ARHGAP6: variants seen among roughly 807,000 people sequenced by gnomAD.
ARHGAP6 encodes the protein rho GTPase-activating protein 6.
ARHGAP6 carries 16 observed loss-of-function variants against 55.7 expected under a neutral mutation model. The ratio of observed to expected loss-of-function variants is 0.29; its 90% CI spans 0.19 to 0.44. The LOEUF (loss-of-function observed/expected upper bound fraction) is 0.44, where lower values mean the gene tolerates loss of function less well. Ranked by LOEUF, ARHGAP6 falls within the 20% of genes least tolerant of loss-of-function variation. The pLI, the probability that ARHGAP6 is intolerant of heterozygous loss-of-function variation, is 1.00. For missense variants in ARHGAP6, 698 were observed against 808.9 expected (o/e 0.86, Z 1.66); for synonymous variants, 382 against 360.9 (o/e 1.06, Z -0.66).
intron 1 of ARHGAP6, among the ~76,000 whole-genome samples, chrX:11,360,585 G>A (rs1222390292): frequency 3.7e-5 from 4 of 108,399 alleles, no homozygotes; most frequent in African/African-American, 1.0e-4. Context: ...CATTCCCTTT[G>A]AAAACTGGCA....
chrX:11,367,753 G>A (rs991885934), intron 1 of ARHGAP6: 2 of 746,205 alleles, frequency 2.7e-6, no homozygotes, highest in Non-Finnish European at 3.2e-6. Flanking sequence ...CAGGAAGTTT[G>A]AGAGACCAGG....
At chrX:11,343,060 T>A (rs1375938646) in intron 1 of ARHGAP6, among the ~76,000 whole-genome samples, 1 of 112,577 alleles carries the variant, frequency 8.9e-6, no homozygotes, top group Non-Finnish European at 1.9e-5. Flanking sequence ...AGAGAGGCAA[T>A]ACACTTCAAT....
Position 11,662,904 on chromosome X carries a change from A to G in ARHGAP6, c.588+1337T>C, listed in dbSNP as rs376472035. On this transcript the variant is annotated intron_variant, in intron 1 of 12. Transcript: ENST00000337414. The stretch of plus-strand genomic sequence containing the variant: ...CCTCCTAAAGACCAAGAGAAATTCA[A>G]CATTTCAATTTTTGATGCTCTTTCT... Among the ~76,000 whole-genome samples the G allele has an allele frequency of 1.2e-4, 13 of 112,129 alleles. No individual in the cohort carries two copies. The South Asian group carries it at 4.9e-3, about 42-fold the overall frequency.
At chrX:11,275,569 C>G (rs769277105) in intron 1 of ARHGAP6, among the ~76,000 whole-genome samples, 7 of 111,821 alleles carry the variant, frequency 6.3e-5, no homozygotes, top group Admixed American at 9.5e-5. Flanking sequence ...CACTTCCACA[C>G]TCTTGTAGGC....
chrX:11,197,057 G>A (rs903480007), intron 2 of ARHGAP6, 61 bp from the exon 3 acceptor site: 2 of 582,853 alleles, frequency 3.4e-6, no homozygotes, highest in South Asian at 2.7e-5. Context: ...TTACAGTATC[G>A]ATAATTACAT....
At chrX:11,607,342 G>A (rs182770077) in intron 1 of ARHGAP6, among the ~76,000 whole-genome samples, 10 of 111,807 alleles carry the variant, frequency 8.9e-5, no homozygotes, top group Admixed American at 1.9e-4. Flanking sequence ...ACAAATGATG[G>A]AGCTTCTCTA....
intron 1 of ARHGAP6, among the ~76,000 whole-genome samples, chrX:11,494,809 G>A (rs2050606411): frequency 8.9e-6 from 1 of 111,875 alleles, no homozygotes; most frequent in Non-Finnish European, 1.9e-5. Context: ...TTGCAGAAAA[G>A]CCAGGGTAGA....
chrX:11,200,038 T>A (rs1042771050), intron 2 of ARHGAP6, among the ~76,000 whole-genome samples: 3 of 112,587 alleles, frequency 2.7e-5, no homozygotes, highest in Non-Finnish European at 5.6e-5. Context: ...TCAAGAGGCT[T>A]ATGTGCTTGC....
chrX:11,237,849 C>G (rs2047223222), intron 2 of ARHGAP6, among the ~76,000 whole-genome samples: 1 of 112,137 alleles, frequency 8.9e-6, no homozygotes, highest in South Asian at 3.7e-4. Flanking sequence ...TGCATATAAT[C>G]TGTGCCAGGA....
At position 11,298,125 on chromosome X, in the gene ARHGAP6, A is replaced by G. The variant is rs746714110; in HGVS notation, c.589-43418T>C. 15 of 1,210,190 alleles carry G rather than the reference A, an allele frequency of 1.2e-5. No homozygotes were observed. The highest frequency in any genetic ancestry group is 1.2e-4 in the African/African-American group (7 of 57,316). ...TAGAACTCACATTCTCAGGCTATCA[A>G]TGTTGACAGGACTGCATTAGTGAGT... On this transcript the variant is annotated intron_variant, in intron 1 of 12. Transcript: ENST00000337414.
At chrX:11,276,612 AC>A (rs1261740794) in intron 1 of ARHGAP6, among the ~76,000 whole-genome samples, 2 of 112,069 alleles carry the variant, frequency 1.8e-5, no homozygotes, top group Non-Finnish European at 3.8e-5. Flanking sequence ...ATGAAGTATG[AC>A]ACCAAATGCA....
At chrX:11,350,307 A>T (rs962042775) in intron 1 of ARHGAP6, among the ~76,000 whole-genome samples, 1 of 112,289 alleles carries the variant, frequency 8.9e-6, no homozygotes, top group Admixed American at 9.4e-5. Flanking sequence ...TTATTAAATT[A>T]TCTGTGTTAT....
At chrX:11,289,795 G>C (rs1008377996) in intron 1 of ARHGAP6, among the ~76,000 whole-genome samples, 1 of 111,232 alleles carries the variant, frequency 9.0e-6, no homozygotes, top group African/African-American at 3.3e-5. Flanking sequence ...GACCATCCTG[G>C]ACAACATGGT....
At chrX:11,663,436 T>G (rs1332729579) in intron 1 of ARHGAP6, among the ~76,000 whole-genome samples, 1 of 112,135 alleles carries the variant, frequency 8.9e-6, no homozygotes, top group Admixed American at 9.4e-5. Context: ...ACAATTACTA[T>G]TCTCTGAAAG....
At chrX:11,174,647 C>CTCTTTCT (rs1569241629) in intron 8 of ARHGAP6, among the ~76,000 whole-genome samples, 1 of 73,813 alleles carries the variant, frequency 1.4e-5, no homozygotes, top group Non-Finnish European at 2.5e-5. Flanking sequence ...TTCTTTCTTT[C>CTCTTTCT]TTTCTTTCTT....
At chrX:11,595,073 G>A (rs753657354) in intron 1 of ARHGAP6, among the ~76,000 whole-genome samples, 1 of 111,424 alleles carries the variant, frequency 9.0e-6, no homozygotes, top group East Asian at 2.8e-4. Flanking sequence ...GGCAGATCAC[G>A]AGGTCAGGAG....
chrX:11,521,960 C>G (rs182516584), intron 1 of ARHGAP6, among the ~76,000 whole-genome samples: 4 of 111,287 alleles, frequency 3.6e-5, no homozygotes, highest in Non-Finnish European at 5.7e-5. Context: ...CTCTCTGTTT[C>G]TCTGTTATTG....
intron 2 of ARHGAP6, among the ~76,000 whole-genome samples, chrX:11,236,980 A>G (rs2047211470): frequency 8.9e-6 from 1 of 112,391 alleles, no homozygotes; most frequent in African/African-American, 3.2e-5. Context: ...GCGGACATCC[A>G]TTTGTGCAAT....
At chrX:11,168,166 A>T (rs2046041503) in intron 9 of ARHGAP6, among the ~76,000 whole-genome samples, 1 of 112,250 alleles carries the variant, frequency 8.9e-6, no homozygotes, top group South Asian at 3.7e-4. Context: ...TCAAAATACA[A>T]GGAGCTGGGA....
Sources: allele counts gnomAD v4.1 joint callset (sites outside exome capture counted in the v4.1 genomes callset), GRCh38; gene constraint gnomAD v4.1.1; transcripts MANE v1.5; gene names NCBI Gene and HGNC (gene_info 2026-07-23, HGNC 2026-07-21).